Variants in PRKCB observed in about 807,000 individuals in gnomAD.
PRKCB encodes the protein protein kinase C beta, also known as protein kinase C beta type.
Under a neutral mutation model 81.5 loss-of-function variants are expected in PRKCB, and 13 were observed. That is an observed-to-expected ratio of 0.16 (90% confidence interval 0.10 to 0.25). The LOEUF (loss-of-function observed/expected upper bound fraction) is 0.25. PRKCB is among the 10% of genes least tolerant of loss of function. PRKCB has a pLI of 1.00. For missense variants in PRKCB, 509 were observed against 875.7 expected, an observed-to-expected ratio of 0.58 and a Z score of 5.29; for synonymous variants, 335 against 321.4, an observed-to-expected ratio of 1.04 and a Z score of -0.45.
intron 2 of PRKCB, among the ~76,000 whole-genome samples, chr16:23,961,525 G>A (rs2141790815): frequency 6.6e-6 from 1 of 152,246 alleles, no homozygotes; most frequent in East Asian, 1.9e-4. Flanking sequence ...TACATCAGTG[G>A]TATAGGACTG....
At chr16:23,990,507 T>A (rs1044112446) in intron 3 of PRKCB, among the ~76,000 whole-genome samples, 15 of 151,390 alleles carry the variant, frequency 9.9e-5, no homozygotes, top group African/African-American at 2.4e-4. Flanking sequence ...TTTTTTTTTT[T>A]AAGCAAAGTC....
chr16:24,148,058 G>T (rs1967021450), intron 9 of PRKCB, among the ~76,000 whole-genome samples: 2 of 152,132 alleles, frequency 1.3e-5, no homozygotes, highest in South Asian at 2.1e-4. Flanking sequence ...AGAGAGATGG[G>T]AGTCAGCATC....
intron 5 of PRKCB, among the ~76,000 whole-genome samples, chr16:24,072,076 T>C (rs1966115371): frequency 7.0e-6 from 1 of 143,834 alleles, no homozygotes; most frequent in South Asian, 2.2e-4. Flanking sequence ...TGAGGTGAAA[T>C]TCACATGACT....
chr16:24,203,251 CA>C (rs113117633), intron 16 of PRKCB: 107 of 139,672 alleles, frequency 7.7e-4, no homozygotes, highest in Non-Finnish European at 7.9e-4. Flanking sequence ...GACCCTGTCT[CA>C]AAAAAAAAAA....
chr16:23,882,022 C>CTCTTTCTTTCTTTCTTTCTCTTTCT (rs1555481695), intron 2 of PRKCB, among the ~76,000 whole-genome samples: 5 of 57,412 alleles, frequency 8.7e-5, no homozygotes, highest in Admixed American at 6.1e-4. Flanking sequence ...TTCTTTCTTT[C>CTCTTTCTTTCTTTCTTTCTCTTTCT]TTCCTTCCTT....
At chr16:23,915,987 A>G (rs1447017417) in intron 2 of PRKCB, among the ~76,000 whole-genome samples, 2 of 152,076 alleles carry the variant, frequency 1.3e-5, no homozygotes, top group South Asian at 2.1e-4. Flanking sequence ...ACCCTACCTC[A>G]CAATTAATAT....
intron 6 of PRKCB, 69 bp downstream of exon 6, chr16:24,093,016 G>T: frequency 6.7e-7 from 1 of 1,503,316 alleles, no homozygotes; most frequent in Non-Finnish European, 9.0e-7. Context: ...AAATCAGGGA[G>T]TTCCTCCTCC....
At chr16:24,118,109 T>C (rs1596555999) in intron 8 of PRKCB, among the ~76,000 whole-genome samples, 1 of 152,366 alleles carries the variant, frequency 6.6e-6, no homozygotes, top group East Asian at 1.9e-4. Context: ...TGTAGCCTAA[T>C]GGTTAAGTGT....
intron 5 of PRKCB, among the ~76,000 whole-genome samples, chr16:24,045,947 C>T (rs573611257): frequency 3.3e-4 from 50 of 152,360 alleles, no homozygotes; most frequent in Non-Finnish European, 5.4e-4. Context: ...TTGGCCATGG[C>T]ATCTTACCAG....
intron 2 of PRKCB, among the ~76,000 whole-genome samples, chr16:23,937,300 G>A (rs985624649): frequency 6.6e-6 from 1 of 152,198 alleles, no homozygotes; most frequent in Non-Finnish European, 1.5e-5. Context: ...TAAGGGATTT[G>A]TTGTAGAACA....
At position 23,979,300 on chromosome 16, in the gene PRKCB, T is replaced by C. The variant is rs548483796; in HGVS notation, c.206-9208T>C. On this transcript the variant is annotated intron_variant, in intron 2 of 16. Transcript: ENST00000643927. ...CTGTAGAGCTTGTACCATGAATCCTTCCATCCTGGAAGGAAATAAATGAAC... is the reference window on the plus strand; with the variant it reads ...CTGTAGAGCTTGTACCATGAATCCTCCCATCCTGGAAGGAAATAAATGAAC... Among the ~76,000 whole-genome samples the C allele has an allele frequency of 2.6e-5, 4 of 152,298 alleles. No homozygotes were observed. The South Asian group carries it at 8.3e-4, about 32-fold the overall frequency.
intron 9 of PRKCB, among the ~76,000 whole-genome samples, chr16:24,139,358 C>T (rs1332861772): frequency 6.6e-6 from 1 of 152,196 alleles, no homozygotes; most frequent in Non-Finnish European, 1.5e-5. Context: ...TCTCGCATTT[C>T]TTGTTACAAC....
At position 24,122,468 on chromosome 16, in the gene PRKCB, T is replaced by TTTTTTTTTTTTTTTTTTTTTC. The variant is rs1555498212; in HGVS notation, c.919-1367_919-1366insTTTTTTTTTTTTTTTTTTTTC. Among the ~76,000 whole-genome samples, 5 of 138,928 alleles carry TTTTTTTTTTTTTTTTTTTTTC rather than the reference T, an allele frequency of 3.6e-5. 1 individual carries two copies. The highest frequency in any genetic ancestry group is 1.3e-4 in the African/African-American group (4 of 30,278). 91.1% of individuals were successfully genotyped at this position (138,928 alleles called of 152,430 possible). On this transcript the variant is annotated intron_variant, in intron 8 of 16. Transcript: ENST00000643927. ...ACGAGGCTTTTTTTTTTTTTTTTTT[T>TTTTTTTTTTTTTTTTTTTTTC]AGTGAGAGAGAGATGGGATCTCACT...
At chr16:24,192,840 C>T (rs1967814373) in intron 16 of PRKCB, among the ~76,000 whole-genome samples, 1 of 152,170 alleles carries the variant, frequency 6.6e-6, no homozygotes, top group African/African-American at 2.4e-5. Flanking sequence ...GTTTAATAGG[C>T]TCTCCAGGTG....
intron 13 of PRKCB, among the ~76,000 whole-genome samples, chr16:24,183,931 C>G (rs912672548): frequency 7.9e-5 from 12 of 152,178 alleles, no homozygotes; most frequent in African/African-American, 2.7e-4. Context: ...GAATTAAAAA[C>G]TTCACAACCA....
At chr16:23,898,691 T>A (rs1490616155) in intron 2 of PRKCB, among the ~76,000 whole-genome samples, 1 of 152,046 alleles carries the variant, frequency 6.6e-6, no homozygotes, top group African/African-American at 2.4e-5. Flanking sequence ...ACAGCCAGTG[T>A]GAAGGCCTTG....
At chr16:23,920,716 C>T (rs1020759057) in intron 2 of PRKCB, among the ~76,000 whole-genome samples, 1 of 151,974 alleles carries the variant, frequency 6.6e-6, no homozygotes, top group African/African-American at 2.4e-5. Context: ...GGGGCAGAGC[C>T]CAGGGGAAGG....
rs1447925825 is a variant in PRKCB at position 24,219,469 on chromosome 16, G to T, written c.*4653G>T. On this transcript the variant is annotated 3_prime_UTR_variant, in exon 17 of 17. Transcript: ENST00000643927. Reference sequence around the variant, plus strand: ...TCTGATTTCTCCACATGGCCATTCTGCCTTCTTGGGGGCAGAGTAGATGGG... The same window carrying T: ...TCTGATTTCTCCACATGGCCATTCTTCCTTCTTGGGGGCAGAGTAGATGGG... 2 of 986,464 alleles carry T rather than the reference G, an allele frequency of 2.0e-6. No homozygotes were observed. The highest frequency in any genetic ancestry group is 2.4e-6 in the Non-Finnish European group (2 of 830,870). The allele number at this position is 986,464 out of a possible 1,614,324, so 61.1% of individuals were successfully genotyped here. A position where few individuals can be genotyped will look rare whatever the true frequency, so the allele number is the denominator to read the frequency against.
chr16:23,907,822 C>A (rs528776492), intron 2 of PRKCB, among the ~76,000 whole-genome samples: 4 of 152,314 alleles, frequency 2.6e-5, no homozygotes, highest in African/African-American at 9.6e-5. Flanking sequence ...TAGGACCTGC[C>A]TGGGAGCCTA....
Sources: gnomAD v4.1 joint callset for allele counts (sites outside exome capture counted in the v4.1 genomes callset) on GRCh38, gnomAD v4.1.1 for gene constraint, MANE v1.5 for transcripts, NCBI Gene and HGNC (gene_info 2026-07-23, HGNC 2026-07-21) for gene names.